TANC1: variants seen among roughly 807,000 people sequenced by gnomAD.
The protein encoded by TANC1 is protein TANC1.
A neutral mutation model predicts 149.7 loss-of-function variants in TANC1; 77 were observed. The ratio of observed to expected loss-of-function variants is 0.51; its 90% CI spans 0.43 to 0.62. TANC1 has a LOEUF of 0.62. Ranked by LOEUF, TANC1 falls within the 20% of genes least tolerant of loss-of-function variation. The pLI is 0.00. For synonymous variants in TANC1, 854 were observed against 925.0 expected (o/e 0.92, Z 1.39); for missense variants, 1,985 against 2,321.8 (o/e 0.85, Z 2.98).
chr2:159,152,486 C>CTTTTTTTTTTTTTTTTATTTTTTTT, intron 7 of TANC1, among the ~76,000 whole-genome samples: 1 of 57,924 alleles, frequency 1.7e-5, no homozygotes, highest in Non-Finnish European at 3.9e-5. Context: ...TTTTTTTTTG[C>CTTTTTTTTTTTTTTTTATTTTTTTT]TTTGACAGTT....
chr2:159,037,152 A>G (rs1451837614), intron 2 of TANC1, among the ~76,000 whole-genome samples: 1 of 152,160 alleles, frequency 6.6e-6, no homozygotes, highest in African/African-American at 2.4e-5. Flanking sequence ...GGCTGCATAA[A>G]TGTCTTCTTT....
intron 16 of TANC1, among the ~76,000 whole-genome samples, chr2:159,192,992 A>T (rs567728969): frequency 6.6e-6 from 1 of 152,366 alleles, no homozygotes; most frequent in African/African-American, 2.4e-5. Flanking sequence ...AGAAACACAT[A>T]AAAGGAAATT....
chr2:159,066,283 C>T (rs1206591999), intron 3 of TANC1, among the ~76,000 whole-genome samples: 1 of 152,020 alleles, frequency 6.6e-6, no homozygotes, highest in Non-Finnish European at 1.5e-5. Context: ...TATGGTGGCA[C>T]ATACTTGTAA....
chr2:159,197,763 AAGCTGGTTGGGAGGAAATGCTG>A (rs1449289438), intron 18 of TANC1, among the ~76,000 whole-genome samples: 2 of 152,130 alleles, frequency 1.3e-5, no homozygotes, highest in Non-Finnish European at 2.9e-5. Flanking sequence ...CCTTGTTTTA[AAGCTGGTTGGGAGGAAATGCTG>A]AGCGAAAATC....
chr2:159,011,527 A>ATTTTT (rs10586189), intron 2 of TANC1, among the ~76,000 whole-genome samples: 3 of 106,720 alleles, frequency 2.8e-5, no homozygotes, highest in Non-Finnish European at 3.6e-5. Flanking sequence ...TACACCTTAA[A>ATTTTT]TTTTTTTTTT....
chr2:159,097,789 C>T lies in TANC1; in HGVS notation c.214C>T (p.Arg72Ter), dbSNP rs745697748. The T allele has an allele frequency of 7.4e-6, 12 of 1,613,952 alleles. No individual in the cohort carries two copies. Among genetic ancestry groups the T allele is most frequent in the Non-Finnish European group, 9.3e-6 (11 of 1,180,008 alleles). ...MSLPSSPLLP[R>*]QSHLVQSRVN... ...TCTGCCTTCCTCACCTTTGCTGCCT[C>T]GACAGTCTCACTTGGTGCAATCAAG... Residue 72 changes from arginine (R) to a stop codon, truncating the protein, a stop_gained, in exon 4 of 27, where the codon CGA becomes TGA. Transcript: ENST00000263635. LOFTEE classifies it high-confidence loss of function.
At chr2:159,198,854 C>G (rs2058049188) in intron 18 of TANC1, 121 bp from the exon 19 acceptor site, 1 of 604,574 alleles carries the variant, frequency 1.7e-6, no homozygotes, top group East Asian at 2.8e-5. Context: ...TTATATTTTT[C>G]TCTCCTTGGG....
chr2:159,210,721 T>C (rs1328747266), intron 19 of TANC1, among the ~76,000 whole-genome samples: 3 of 151,786 alleles, frequency 2.0e-5, no homozygotes, highest in African/African-American at 7.3e-5. Context: ...GAATGTGTCA[T>C]CACGCCCAGC....
chr2:159,171,829 C>T (rs146540850), intron 10 of TANC1, among the ~76,000 whole-genome samples: 18 of 143,330 alleles, frequency 1.3e-4, no homozygotes, highest in African/African-American at 4.7e-4. Context: ...TGTACTCTAG[C>T]CTGGGCCACA....
chr2:159,214,003 G>A (rs1054847232), intron 19 of TANC1, among the ~76,000 whole-genome samples: 13 of 152,030 alleles, frequency 8.6e-5, no homozygotes, highest in African/African-American at 3.1e-4. Context: ...GCTCGTGCCT[G>A]TAATCCCAGC....
chr2:159,184,394 G>C (rs2056781099), intron 14 of TANC1, among the ~76,000 whole-genome samples: 1 of 152,200 alleles, frequency 6.6e-6, no homozygotes, highest in African/African-American at 2.4e-5. Context: ...TCTCCTCAGA[G>C]AGGTGGGATG....
chr2:158,980,426 TA>T (rs934189984), intron 1 of TANC1, among the ~76,000 whole-genome samples: 8 of 152,014 alleles, frequency 5.3e-5, no homozygotes, highest in Non-Finnish European at 8.8e-5. Flanking sequence ...ACTTAGGACT[TA>T]AAAAAATCAC....
chr2:159,230,874 GA>G lies in TANC1; in HGVS notation c.5450del (p.Asn1817ThrfsTer3), dbSNP rs760176931. 1.2e-6 allele frequency: 2 copies of G among 1,614,178 alleles called. No homozygotes were observed. Among genetic ancestry groups the G allele is most frequent in the Non-Finnish European group, 1.7e-6 (2 of 1,180,028 alleles). On this transcript the variant is annotated frameshift_variant, in exon 27 of 27. Transcript: ENST00000263635. LOFTEE classifies it high-confidence loss of function. The surrounding 1 kb of genome is among the most constrained non-coding windows in gnomAD (Gnocchi z 4.4). ...GCCAAATTCCAGTCCACTCTCAAGA[GA>G]ACAGGATAACTAAGACTGTTTCTCA... is the stretch of plus-strand genomic sequence containing the variant. Reference protein sequence around the residue: ...KCQIPVHSQENRITKTVSHLY... With the variant: ...KCQIPVHSQEXRITKTVSHLY...
At chr2:159,129,832 C>T (rs1189977811) in intron 4 of TANC1, among the ~76,000 whole-genome samples, 1 of 152,306 alleles carries the variant, frequency 6.6e-6, no homozygotes, top group East Asian at 1.9e-4. Context: ...ATCTTGTAAA[C>T]TGAACACGTT....
At chr2:159,039,733 T>C (rs2149520769) in intron 2 of TANC1, among the ~76,000 whole-genome samples, 1 of 152,320 alleles carries the variant, frequency 6.6e-6, no homozygotes, top group East Asian at 1.9e-4. Context: ...TTGTGATTTC[T>C]GTTCTTTTAC....
At chr2:159,111,987 A>T (rs1261911659) in intron 4 of TANC1, among the ~76,000 whole-genome samples, 3 of 152,232 alleles carry the variant, frequency 2.0e-5, no homozygotes, top group Non-Finnish European at 1.5e-5. Context: ...TGAGACGTAC[A>T]AACTAGAATC....
intron 4 of TANC1, among the ~76,000 whole-genome samples, chr2:159,116,703 A>G (rs1360368260): frequency 6.6e-6 from 1 of 152,206 alleles, no homozygotes; most frequent in Non-Finnish European, 1.5e-5. Flanking sequence ...CAGTGGTCCA[A>G]TTTGGCCCCT....
chr2:159,108,714 G>T (rs997194043), intron 4 of TANC1, among the ~76,000 whole-genome samples: 1 of 152,206 alleles, frequency 6.6e-6, no homozygotes, highest in African/African-American at 2.4e-5. Flanking sequence ...TGGCAGGGGT[G>T]GCTGGCTGCC....
At chr2:159,183,602 C>G (rs954110249) in intron 14 of TANC1, among the ~76,000 whole-genome samples, 4 of 151,956 alleles carry the variant, frequency 2.6e-5, no homozygotes, top group Admixed American at 2.6e-4. Flanking sequence ...TTAGGAGACT[C>G]CGCCTGTTGG....
Sources: allele counts gnomAD v4.1 joint callset (sites outside exome capture counted in the v4.1 genomes callset), GRCh38; gene constraint gnomAD v4.1.1; non-coding constraint Gnocchi (gnomAD v3.1); transcripts MANE v1.5; gene names NCBI Gene and HGNC (gene_info 2026-07-23, HGNC 2026-07-21).